Variants in ROBO2 observed in about 807,000 individuals in gnomAD.
The protein encoded by ROBO2 is roundabout homolog 2.
Under a neutral mutation model 160.8 loss-of-function variants are expected in ROBO2, and 53 were observed. The ratio of observed to expected loss-of-function variants is 0.33; its 90% CI spans 0.26 to 0.41. The LOEUF (loss-of-function observed/expected upper bound fraction) is 0.41, where lower values mean the gene tolerates loss of function less well. Among genes scored for constraint, ROBO2 ranks in the 10% least tolerant of loss-of-function variants. The pLI is 1.00. For synonymous variants in ROBO2, 664 were observed against 611.7 expected, an observed-to-expected ratio of 1.09 and a Z score of -1.26; for missense variants, 1,577 against 1,722.4, an observed-to-expected ratio of 0.92 and a Z score of 1.49.
chr3:77,296,109 G>T (rs957528139), intron 2 of ROBO2, among the ~76,000 whole-genome samples: 2 of 151,558 alleles, frequency 1.3e-5, no homozygotes, highest in Non-Finnish European at 2.9e-5. Flanking sequence ...TGGTTAAACG[G>T]GTAGGCTGAG....
intron 2 of ROBO2, among the ~76,000 whole-genome samples, chr3:76,893,904 A>T (rs1449086171): frequency 1.3e-5 from 2 of 152,054 alleles, no homozygotes; most frequent in Admixed American, 1.3e-4. Flanking sequence ...GCTCCCATAT[A>T]TGAGTGAGAA....
At chr3:76,987,693 ATAC>A (rs2060459023) in intron 2 of ROBO2, among the ~76,000 whole-genome samples, 1 of 152,134 alleles carries the variant, frequency 6.6e-6, no homozygotes, top group African/African-American at 2.4e-5. Context: ...TGTTTCTTTA[ATAC>A]CCCCTTTCAA....
rs192813349 is a variant in ROBO2 at position 76,376,600 on chromosome 3, A to C, written c.109+438998A>C. Among the ~76,000 whole-genome samples, 247 of 152,194 alleles carry C rather than the reference A, an allele frequency of 1.6e-3. 1 individual carries two copies. Among genetic ancestry groups the C allele is most frequent in the African/African-American group, 5.2e-3 (218 of 41,532 alleles). ...AATATGAGCTCACTGCCCACAACAGATAGAAACCAATACTCTAGCAATGGC... is the reference window on the plus strand; with the variant it reads ...AATATGAGCTCACTGCCCACAACAGCTAGAAACCAATACTCTAGCAATGGC... On this transcript the variant is annotated intron_variant, in intron 2 of 26. Coordinates refer to the ROBO2 transcript ENST00000487694.
intron 2 of ROBO2, among the ~76,000 whole-genome samples, chr3:76,869,655 T>C (rs917466494): frequency 1.3e-5 from 2 of 152,010 alleles, no homozygotes; most frequent in Admixed American, 6.6e-5. Flanking sequence ...GGCCGATCTT[T>C]TTTTAGTATT....
At chr3:77,007,520 T>C (rs2061644629) in intron 2 of ROBO2, among the ~76,000 whole-genome samples, 1 of 152,062 alleles carries the variant, frequency 6.6e-6, no homozygotes, top group Non-Finnish European at 1.5e-5. Flanking sequence ...ACACATACAC[T>C]TATTTACACA....
intron 2 of ROBO2, among the ~76,000 whole-genome samples, chr3:76,428,688 A>G (rs936561428): frequency 6.6e-6 from 1 of 152,174 alleles, no homozygotes; most frequent in African/African-American, 2.4e-5. Context: ...AAAAGTTTAT[A>G]TATTAGATTT....
At chr3:77,420,823 GTTTCCCT>G (rs2077645450) in intron 2 of ROBO2, among the ~76,000 whole-genome samples, 1 of 152,132 alleles carries the variant, frequency 6.6e-6, no homozygotes, top group South Asian at 2.1e-4. Flanking sequence ...ATTCTAGAAT[GTTTCCCT>G]TATCAAATGC....
chr3:76,195,387 C>T (rs1702213999), intron 2 of ROBO2, among the ~76,000 whole-genome samples: 1 of 152,062 alleles, frequency 6.6e-6, no homozygotes, highest in South Asian at 2.1e-4. Context: ...TTTGCAAAAC[C>T]AGTGTTATTT....
chr3:76,355,710 A>G (rs529667853), intron 2 of ROBO2, among the ~76,000 whole-genome samples: 27 of 151,866 alleles, frequency 1.8e-4, no homozygotes, highest in Non-Finnish European at 3.5e-4. Flanking sequence ...AGATACATCC[A>G]TATAAAGAAA....
chr3:76,952,210 C>T (rs1228215859), intron 2 of ROBO2, among the ~76,000 whole-genome samples: 1 of 152,142 alleles, frequency 6.6e-6, no homozygotes, highest in Non-Finnish European at 1.5e-5. Context: ...TAGATGGTTG[C>T]CAATGGACAA....
chr3:76,421,130 A>G (rs1559918650), intron 2 of ROBO2, among the ~76,000 whole-genome samples: 1 of 152,214 alleles, frequency 6.6e-6, no homozygotes, highest in Non-Finnish European at 1.5e-5. Flanking sequence ...TAAATATTAA[A>G]TTTAATAAAA....
chr3:76,493,921 G>C lies in ROBO2; in HGVS notation c.109+556319G>C, dbSNP rs1181233612. Among the ~76,000 whole-genome samples the C allele has an allele frequency of 2.0e-5, 3 of 152,220 alleles. No individual in the cohort carries two copies. The East Asian group carries it at 5.8e-4, about 29-fold the overall frequency. On this transcript the variant is annotated intron_variant, in intron 2 of 26. Coordinates refer to the ROBO2 transcript ENST00000487694. ...TTCCACAAATGAATGCATCTAAAGA[G>C]ATACTTAACACAAAATTGAGGGGAA...
intron 2 of ROBO2, among the ~76,000 whole-genome samples, chr3:76,610,673 C>T (rs1007669517): frequency 9.4e-3 from 5 of 534 alleles, no homozygotes; most frequent in Non-Finnish European, 0.047. Context: ...ATTCTCACTG[C>T]GCGTCCTGTG....
At chr3:77,637,646 T>C (rs2095286820) in intron 24 of ROBO2, among the ~76,000 whole-genome samples, 1 of 152,194 alleles carries the variant, frequency 6.6e-6, no homozygotes, top group Non-Finnish European at 1.5e-5. Context: ...AATTGCTAGG[T>C]ATAAATCTAG....
intron 2 of ROBO2, among the ~76,000 whole-genome samples, chr3:76,684,706 A>G (rs2092646677): frequency 6.6e-6 from 1 of 151,914 alleles, no homozygotes; most frequent in South Asian, 2.1e-4. Flanking sequence ...AAAAATAAAC[A>G]AAATAAAAAC....
intron 2 of ROBO2, among the ~76,000 whole-genome samples, chr3:76,830,433 A>G (rs1392560926): frequency 6.6e-6 from 1 of 152,028 alleles, no homozygotes; most frequent in Non-Finnish European, 1.5e-5. Context: ...AGCTTTCATA[A>G]TTTCAACAAA....
At chr3:76,852,653 T>C (rs762550092) in intron 2 of ROBO2, among the ~76,000 whole-genome samples, 12 of 152,142 alleles carry the variant, frequency 7.9e-5, no homozygotes, top group African/African-American at 1.2e-4. Flanking sequence ...AAATAACTGA[T>C]GGAAACTTCC....
chr3:75,984,869 A>C (rs1355030139), intron 2 of ROBO2, among the ~76,000 whole-genome samples: 2 of 151,368 alleles, frequency 1.3e-5, no homozygotes, highest in Non-Finnish European at 3.0e-5. Context: ...GTGTAATAGT[A>C]GCATATTTTG....
At chr3:76,023,434 C>A (rs2066634976) in intron 2 of ROBO2, among the ~76,000 whole-genome samples, 1 of 151,458 alleles carries the variant, frequency 6.6e-6, no homozygotes, top group African/African-American at 2.4e-5. Flanking sequence ...CACTTACAGG[C>A]CATTGTAGGG....
Sources: allele counts gnomAD v4.1 joint callset (sites outside exome capture counted in the v4.1 genomes callset), GRCh38; gene constraint gnomAD v4.1.1; transcripts MANE v1.5; gene names NCBI Gene and HGNC (gene_info 2026-07-23, HGNC 2026-07-21).